MGAT4C: variants seen among roughly 807,000 people sequenced by gnomAD.
MGAT4C encodes the protein alpha-1,3-mannosyl-glycoprotein 4-beta-N-acetylglucosaminyltransferase C.
A neutral mutation model predicts 40.1 loss-of-function variants in MGAT4C; 19 were observed. The observed-to-expected ratio is 0.47, with a 90% CI of 0.33 to 0.70. The LOEUF (loss-of-function observed/expected upper bound fraction) is 0.70. Ranked by LOEUF, MGAT4C falls within the 30% of genes least tolerant of loss-of-function variation. The probability of loss-of-function intolerance (pLI) is 0.02; values close to 1 mark genes in which losing one functional copy is unlikely to be tolerated. For synonymous variants in MGAT4C, 181 were observed against 187.1 expected (o/e 0.97, Z 0.27); for missense variants, 491 against 563.2 (o/e 0.87, Z 1.30).
chr12:86,501,489 C>T (rs1258577282), intron 2 of MGAT4C, among the ~76,000 whole-genome samples: 3 of 136,766 alleles, frequency 2.2e-5, no homozygotes, highest in African/African-American at 2.6e-5. Context: ...GCTCTTCCCC[C>T]GCCCACCCTC....
At chr12:86,190,773 G>T (rs1294109063) in intron 1 of MGAT4C, among the ~76,000 whole-genome samples, 1 of 151,756 alleles carries the variant, frequency 6.6e-6, no homozygotes, top group Non-Finnish European at 1.5e-5. Flanking sequence ...TTGTAGATAG[G>T]ACTAATATCT....
At chr12:86,659,372 T>C (rs1035617203) in intron 2 of MGAT4C, among the ~76,000 whole-genome samples, 3 of 152,052 alleles carry the variant, frequency 2.0e-5, no homozygotes, top group Non-Finnish European at 4.4e-5. Flanking sequence ...TACAAGCTGC[T>C]GAATTAGATC....
intron 4 of MGAT4C, among the ~76,000 whole-genome samples, chr12:86,279,408 T>C (rs1953158359): frequency 6.6e-6 from 1 of 152,234 alleles, no homozygotes; most frequent in Non-Finnish European, 1.5e-5. Flanking sequence ...TCTAGAAATG[T>C]ATTGATTTAT....
chr12:86,740,441 A>G (rs1030562820), intron 1 of MGAT4C, among the ~76,000 whole-genome samples: 1 of 151,206 alleles, frequency 6.6e-6, no homozygotes, highest in Non-Finnish European at 1.5e-5. Flanking sequence ...TGAAAGACTA[A>G]ATGTAAGCTT....
At chr12:86,726,180 T>C (rs551011223) in intron 2 of MGAT4C, among the ~76,000 whole-genome samples, 11 of 152,306 alleles carry the variant, frequency 7.2e-5, no homozygotes, top group African/African-American at 2.6e-4. Flanking sequence ...CAAGATAATG[T>C]CATAAATATA....
intron 1 of MGAT4C, among the ~76,000 whole-genome samples, chr12:86,782,473 G>A (rs978627247): frequency 3.9e-5 from 6 of 151,942 alleles, no homozygotes; most frequent in African/African-American, 7.3e-5. Flanking sequence ...GAGCCACCGC[G>A]CCCAGACCTA....
At chr12:86,522,881 T>G (rs1187445572) in intron 2 of MGAT4C, among the ~76,000 whole-genome samples, 1 of 152,178 alleles carries the variant, frequency 6.6e-6, no homozygotes, top group Admixed American at 6.5e-5. Flanking sequence ...TTTTCAAGTT[T>G]ATGTTCATAG....
intron 2 of MGAT4C, among the ~76,000 whole-genome samples, chr12:86,605,259 A>C (rs1962003726): frequency 6.6e-6 from 1 of 151,996 alleles, no homozygotes; most frequent in Admixed American, 6.6e-5. Flanking sequence ...TTGCTTCCTA[A>C]TTATTCTTGC....
chr12:86,121,663 G>T (rs1879399659), intron 1 of MGAT4C, among the ~76,000 whole-genome samples: 1 of 152,118 alleles, frequency 6.6e-6, no homozygotes, highest in Non-Finnish European at 1.5e-5. Flanking sequence ...ATAAGTGAAG[G>T]AGAAATAAAA....
At chr12:86,138,576 A>G (rs1164381744) in intron 1 of MGAT4C, among the ~76,000 whole-genome samples, 1 of 147,614 alleles carries the variant, frequency 6.8e-6, no homozygotes, top group East Asian at 1.9e-4. Flanking sequence ...CCATAGATAT[A>G]TCATATATAT....
chr12:85,986,067 A>G (rs1270848067), intron 3 of MGAT4C, among the ~76,000 whole-genome samples: 1 of 152,174 alleles, frequency 6.6e-6, no homozygotes, highest in Non-Finnish European at 1.5e-5. Context: ...GACATAACAG[A>G]ATATAAAAAG....
intron 1 of MGAT4C, among the ~76,000 whole-genome samples, chr12:86,830,850 T>A (rs1002982014): frequency 6.6e-6 from 1 of 151,846 alleles, no homozygotes; most frequent in African/African-American, 2.4e-5. Context: ...TATGTGCAAT[T>A]GTAGCCCCAC....
intron 3 of MGAT4C, among the ~76,000 whole-genome samples, chr12:86,392,990 A>G (rs957469683): frequency 6.6e-6 from 1 of 152,202 alleles, no homozygotes; most frequent in Admixed American, 6.5e-5. Flanking sequence ...AACAATTTGC[A>G]TCTTTAAAAG....
intron 2 of MGAT4C, among the ~76,000 whole-genome samples, chr12:86,717,837 GT>G (rs1950671216): frequency 6.6e-6 from 1 of 152,070 alleles, no homozygotes; most frequent in Non-Finnish European, 1.5e-5. Context: ...ATTCTAGAAC[GT>G]TCTTGTTTCA....
intron 2 of MGAT4C, among the ~76,000 whole-genome samples, chr12:86,704,332 T>C (rs1199593522): frequency 6.6e-6 from 1 of 152,088 alleles, no homozygotes; most frequent in African/African-American, 2.4e-5. Context: ...GCTTCTATTA[T>C]GTGATACAGA....
Position 85,957,089 on chromosome 12 carries a change from T to G in MGAT4C, c.*22200A>C, listed in dbSNP as rs937406813. On this transcript the variant is annotated 3_prime_UTR_variant, in exon 5 of 5. Coordinates refer to ENST00000611864, the MANE Select transcript of MGAT4C (RefSeq NM_001351288.2). ...TGGCAAAGCTTTAAAAATATGTTAT[T>G]ATTTTGTTATTATCTATATTTCCTC... 2 of 152,166 alleles carry G rather than the reference T, an allele frequency of 1.3e-5. No individual in the cohort carries two copies. Among genetic ancestry groups the G allele is most frequent in the Admixed American group, 6.6e-5 (1 of 15,262 alleles). 9.4% of individuals were successfully genotyped at this position (152,166 alleles called of 1,614,324 possible). A position where few individuals can be genotyped will look rare whatever the true frequency, so the allele number is the denominator to read the frequency against.
chr12:86,284,207 A>G (rs1204345612), intron 4 of MGAT4C, among the ~76,000 whole-genome samples: 1 of 152,046 alleles, frequency 6.6e-6, no homozygotes, highest in African/African-American at 2.4e-5. Flanking sequence ...ATTTTAAAAT[A>G]TTGAATACAC....
intron 2 of MGAT4C, among the ~76,000 whole-genome samples, chr12:86,508,777 T>A (rs1302773758): frequency 6.7e-6 from 1 of 149,018 alleles, no homozygotes; most frequent in African/African-American, 2.5e-5. Flanking sequence ...GGTATCTCAT[T>A]GTGGTTTTGA....
intron 4 of MGAT4C, among the ~76,000 whole-genome samples, chr12:86,265,148 AC>A (rs1395460780): frequency 8.6e-5 from 13 of 151,032 alleles, no homozygotes; most frequent in Non-Finnish European, 5.9e-5. Flanking sequence ...CAGTGGCCAG[AC>A]CCCACCTCGC....
Sources: allele counts gnomAD v4.1 joint callset (sites outside exome capture counted in the v4.1 genomes callset), GRCh38; gene constraint gnomAD v4.1.1; transcripts MANE v1.5; gene names NCBI Gene and HGNC (gene_info 2026-07-23, HGNC 2026-07-21).